The following GNB5 variants were observed in gnomAD, a reference collection of about 807,000 sequenced individuals.
GNB5 encodes G protein subunit beta 5.
GNB5 carries 37 observed loss-of-function variants against 55.3 expected under a neutral mutation model. The ratio of observed to expected loss-of-function variants is 0.67; its 90% CI spans 0.51 to 0.88. The LOEUF is 0.88. GNB5 is among the 40% of genes least tolerant of loss of function. The probability of loss-of-function intolerance (pLI) is 0.00; values close to 1 mark genes in which losing one functional copy is unlikely to be tolerated. For synonymous variants in GNB5, 219 were observed against 198.5 expected (o/e 1.10, Z -0.87); for missense variants, 476 against 515.3 (o/e 0.92, Z 0.74).
At chr15:52,128,427 T>TG in intron 9 of GNB5, 183 bp from the exon 10 acceptor site, 1 of 621,946 alleles carries the variant, frequency 1.6e-6, no homozygotes, top group Non-Finnish European at 2.9e-6. Context: ...TCCCTGTTAG[T>TG]GGGGGACAGT....
At chr15:52,184,736 C>A (rs2034820311) in intron 1 of GNB5, 42 bp from the exon 2 acceptor site, 2 of 1,556,420 alleles carry the variant, frequency 1.3e-6, no homozygotes, top group African/African-American at 2.7e-5. Context: ...TGAGAAAAGC[C>A]AATGGTTTTA....
intron 4 of GNB5, among the ~76,000 whole-genome samples, chr15:52,150,128 G>T (rs973995595): frequency 6.6e-6 from 1 of 152,124 alleles, no homozygotes; most frequent in Non-Finnish European, 1.5e-5. Flanking sequence ...CAGAGCCAAA[G>T]GATCAGTTCT....
chr15:52,188,357 A>G (rs1407848967), intron 1 of GNB5, among the ~76,000 whole-genome samples: 2 of 146,334 alleles, frequency 1.4e-5, no homozygotes, highest in Non-Finnish European at 1.5e-5. Flanking sequence ...AGTTTGGGGG[A>G]AAAAAAGATA....
chr15:52,182,743 A>G (rs2034790217), intron 2 of GNB5, among the ~76,000 whole-genome samples: 1 of 152,246 alleles, frequency 6.6e-6, no homozygotes, highest in Non-Finnish European at 1.5e-5. Flanking sequence ...CAGCTGAATG[A>G]TGCTGTCTGA....
intron 7 of GNB5, among the ~76,000 whole-genome samples, chr15:52,136,648 T>G (rs749383982): frequency 6.6e-6 from 1 of 152,330 alleles, no homozygotes; most frequent in Non-Finnish European, 1.5e-5. Context: ...CCAGGACCAC[T>G]GACGGGTGCC....
chr15:52,154,608 A>C (rs1011997326), intron 3 of GNB5, among the ~76,000 whole-genome samples: 2 of 152,308 alleles, frequency 1.3e-5, no homozygotes, highest in African/African-American at 4.8e-5. Context: ...AAACTGTTCC[A>C]ACAGGACTAT....
Position 52,119,094 on chromosome 15 carries a change from A to G in GNB5, c.*3663T>C. 7.4e-6 allele frequency: 1 copy of G among 134,932 alleles called. No homozygotes were observed. The highest frequency in any genetic ancestry group is 3.1e-5 in the African/African-American group (1 of 32,558). The allele number at this position is 134,932 out of a possible 1,614,324, so 8.4% of individuals were successfully genotyped here. On this transcript the variant is annotated 3_prime_UTR_variant, in exon 13 of 13. Coordinates refer to ENST00000261837, the MANE Select transcript of GNB5 (RefSeq NM_016194.4). ...GCTGGGGGAAGGGGAATGGGAAGGG[A>G]GGAGGAGGGAGGGAGAAACAGCAGA...
intron 7 of GNB5, chr15:52,137,627 G>A (rs1308416207): frequency 1.2e-5 from 14 of 1,130,474 alleles, no homozygotes; most frequent in Non-Finnish European, 1.5e-5. Flanking sequence ...GGAAAGACAT[G>A]GGGACAGGGC....
chr15:52,140,351 C>T (rs1298857039), intron 7 of GNB5: 1 of 154,058 alleles, frequency 6.5e-6, no homozygotes, highest in African/African-American at 2.4e-5. Flanking sequence ...GCCCCACCCA[C>T]CTCTCGGCTG....
chr15:52,172,608 C>T (rs906222796), intron 3 of GNB5, among the ~76,000 whole-genome samples: 1 of 151,898 alleles, frequency 6.6e-6, no homozygotes, highest in Non-Finnish European at 1.5e-5. Flanking sequence ...GGAGAAACCT[C>T]GTCTCTACAA....
intron 10 of GNB5, among the ~76,000 whole-genome samples, chr15:52,127,616 T>C (rs2141185052): frequency 6.6e-6 from 1 of 152,216 alleles, no homozygotes; most frequent in Non-Finnish European, 1.5e-5. Flanking sequence ...TAGCAGAAAA[T>C]TAGAATGAAA....
chr15:52,182,475 C>T (rs2034786044), intron 2 of GNB5, among the ~76,000 whole-genome samples: 1 of 152,180 alleles, frequency 6.6e-6, no homozygotes, highest in African/African-American at 2.4e-5. Context: ...CGAACAGCCT[C>T]CAACCTGGAG....
intron 3 of GNB5, among the ~76,000 whole-genome samples, chr15:52,170,898 G>A (rs1029847894): frequency 6.6e-6 from 1 of 151,658 alleles, no homozygotes; most frequent in Non-Finnish European, 1.5e-5. Flanking sequence ...CTGAGGTCAG[G>A]AGTTTGAGAC....
At chr15:52,149,365 T>G (rs772550496) in intron 5 of GNB5, 5 of 186,032 alleles carry the variant, frequency 2.7e-5, no homozygotes, top group Non-Finnish European at 5.5e-5. Flanking sequence ...TTATTTTCAT[T>G]AAGAGCTAAA....
At chr15:52,180,514 G>C (rs1346738733) in intron 2 of GNB5, 1 of 152,252 alleles carries the variant, frequency 6.6e-6, no homozygotes, top group Non-Finnish European at 1.5e-5. Context: ...TGCGGCATTA[G>C]GAGGCCCACC....
At chr15:52,184,726 T>A (rs968876163) in intron 1 of GNB5, 32 bp from the exon 2 acceptor site, 2 of 1,583,200 alleles carry the variant, frequency 1.3e-6, no homozygotes, top group African/African-American at 2.7e-5. Flanking sequence ...GGAGGGGGTG[T>A]GAGAAAAGCC....
rs771695452 is a variant in GNB5, at chr15:52,126,017, T to C, written c.940A>G (p.Arg314Gly). ...TCTTTGGAATAGATGGCAACCTCCC[T>C]ATCTGCCCGCAGGTCATAGAGGCGA... ...TCRLYDLRAD[R>G]EVAIYSKESI... Residue 314 changes from arginine (R) to glycine (G), a missense_variant, in exon 11 of 13, where the codon AGG becomes GGG. Physicochemically the swap from Arg to Gly is moderately radical, Grantham distance 125. Coordinates refer to ENST00000261837, the MANE Select transcript of GNB5 (RefSeq NM_016194.4). 1.3e-6 allele frequency: 2 copies of C among 1,583,570 alleles called. No homozygotes were observed. The highest frequency in any genetic ancestry group is 1.7e-6 in the Non-Finnish European group (2 of 1,154,838).
intron 3 of GNB5, among the ~76,000 whole-genome samples, chr15:52,173,291 T>A (rs1490870022): frequency 6.6e-6 from 1 of 152,188 alleles, no homozygotes; most frequent in Non-Finnish European, 1.5e-5. Context: ...CCCAGGCTGG[T>A]CTTGATCTCC....
chr15:52,132,636 A>ATTTTTTTTTTT (rs1216272462), intron 9 of GNB5, among the ~76,000 whole-genome samples: 10,100 of 132,866 alleles, frequency 0.076, 505 homozygotes, highest in South Asian at 0.13. Flanking sequence ...TGCCCTGCTA[A>ATTTTTTTTTTT]TTTTTTTTTT....
Sources: gnomAD v4.1 joint callset for allele counts (sites outside exome capture counted in the v4.1 genomes callset) on GRCh38, gnomAD v4.1.1 for gene constraint, MANE v1.5 for transcripts, NCBI Gene and HGNC (gene_info 2026-07-23, HGNC 2026-07-21) for gene names.